ATP8B1: variants seen among roughly 807,000 people sequenced by gnomAD.
ATP8B1 encodes the protein ATPase phospholipid transporting 8B1.
In ATP8B1, 80 loss-of-function variants were observed where a neutral mutation model predicts 149.9. The observed-to-expected ratio is 0.53, with a 90% CI of 0.45 to 0.64. ATP8B1 has a LOEUF of 0.64. ATP8B1 is among the 30% of genes least tolerant of loss of function. The pLI is 0.00. For missense variants in ATP8B1, 1,247 were observed against 1,552.6 expected, an observed-to-expected ratio of 0.80 and a Z score of 3.31; for synonymous variants, 536 against 562.8, an observed-to-expected ratio of 0.95 and a Z score of 0.67.
rs1240425402 is a variant in ATP8B1, at chr18:57,765,841, A to G, written c.-25-34009T>C. Among the ~76,000 whole-genome samples the G allele has an allele frequency of 2.6e-5, 4 of 151,504 alleles. No individual in the cohort carries two copies. In the East Asian group the frequency reaches 8.1e-4, roughly 30 times the overall value. On this transcript the variant is annotated intron_variant, in intron 1 of 27. Coordinates refer to ENST00000648908, the MANE Select transcript of ATP8B1 (RefSeq NM_001374385.1). The stretch of plus-strand genomic sequence containing the variant: ...ACAAAAATTAGCCGGGCATGGTGGC[A>G]GGTGCCTGTAATCTCAGCTACTCAG...
At chr18:57,782,391 A>G (rs1405424340) in intron 1 of ATP8B1, among the ~76,000 whole-genome samples, 1 of 152,254 alleles carries the variant, frequency 6.6e-6, no homozygotes, top group East Asian at 1.9e-4. Flanking sequence ...TTATATCTAG[A>G]CATTTCCATA....
At chr18:57,787,360 AAGCTCCATCTAGAGCACTGCGAGAGG>A (rs2080419210) in intron 1 of ATP8B1, among the ~76,000 whole-genome samples, 5 of 152,328 alleles carry the variant, frequency 3.3e-5, no homozygotes, top group South Asian at 2.1e-4. Context: ...GTGAGCCTAA[AAGCTCCATCTAGAGCACTGCGAGAGG>A]AGCTCCATCT....
chr18:57,756,234 C>T lies in ATP8B1; in HGVS notation c.-25-24402G>A, dbSNP rs866642571. Among the ~76,000 whole-genome samples the T allele has an allele frequency of 6.0e-4, 58 of 97,464 alleles. 1 individual carries two copies. The highest frequency in any genetic ancestry group is 2.8e-3 in the South Asian group (8 of 2,904). 63.9% of individuals were successfully genotyped at this position (97,464 alleles called of 152,430 possible). A position where few individuals can be genotyped will look rare whatever the true frequency, so the allele number is the denominator to read the frequency against. On this transcript the variant is annotated intron_variant, in intron 1 of 27. Transcript: ENST00000648908. ...ATACACACACACACACACACACACA[C>T]ACATATATACACACACACATATATA...
At chr18:57,800,463 T>G (rs2080563438) in intron 1 of ATP8B1, among the ~76,000 whole-genome samples, 1 of 152,152 alleles carries the variant, frequency 6.6e-6, no homozygotes, top group Admixed American at 6.6e-5. Context: ...CTAGGAAAAA[T>G]CTCTCTGGAG....
intron 20 of ATP8B1, among the ~76,000 whole-genome samples, chr18:57,663,464 G>A (rs986721537): frequency 8.5e-5 from 13 of 152,140 alleles, no homozygotes; most frequent in Non-Finnish European, 1.8e-4. Context: ...TGGGATTGTT[G>A]CATCATATGG....
chr18:57,792,045 G>A (rs889369669), intron 1 of ATP8B1, among the ~76,000 whole-genome samples: 1 of 152,182 alleles, frequency 6.6e-6, no homozygotes, highest in Non-Finnish European at 1.5e-5. Context: ...AAGGCCCCTT[G>A]TCTTTAGAGT....
chr18:57,687,734 G>T (rs1454696436), intron 13 of ATP8B1, among the ~76,000 whole-genome samples: 1 of 149,068 alleles, frequency 6.7e-6, no homozygotes, highest in Non-Finnish European at 1.5e-5. Flanking sequence ...TATATAACCT[G>T]AAGTGGAATT....
chr18:57,647,359 G>A lies in ATP8B1; in HGVS notation c.*1129C>T, dbSNP rs1360314839. On this transcript the variant is annotated 3_prime_UTR_variant, in exon 28 of 28. Transcript: ENST00000648908. ...ACTAAAAATAAACTGAAACTTTATG[G>A]AATCTGAAGTTATTTTCCTTGATTA... 1.3e-5 allele frequency: 2 copies of A among 152,110 alleles called. No homozygotes were observed. Among genetic ancestry groups the A allele is most frequent in the African/African-American group, 4.8e-5 (2 of 41,432 alleles). The allele number at this position is 152,110 out of a possible 1,614,324, so 9.4% of individuals were successfully genotyped here.
At chr18:57,673,768 T>A (rs938100596) in intron 16 of ATP8B1, among the ~76,000 whole-genome samples, 1 of 152,104 alleles carries the variant, frequency 6.6e-6, no homozygotes, top group African/African-American at 2.4e-5. Flanking sequence ...TTTAAACCAT[T>A]CTTGTAACTT....
In ATP8B1 at chr18:57,794,789, T is replaced by C. The variant is rs1008395458; in HGVS notation, c.-26+8209A>G. 8.1e-5 allele frequency among the ~76,000 whole-genome samples: 9 copies of C among 110,908 alleles called. No homozygotes were observed. The South Asian group carries it at 2.7e-3, about 33-fold the overall frequency. The allele number at this position is 110,908 out of a possible 152,430, so 72.8% of individuals were successfully genotyped here. A position where few individuals can be genotyped will look rare whatever the true frequency, so the allele number is the denominator to read the frequency against. On this transcript the variant is annotated intron_variant, in intron 1 of 27. Coordinates refer to ENST00000648908, the MANE Select transcript of ATP8B1 (RefSeq NM_001374385.1). ...CTGGGCGACAGAGCGAAACTCCGCC[T>C]CAAAAAGAAAGAAAGAAAGAAAGAA... is the stretch of plus-strand genomic sequence containing the variant.
At chr18:57,756,362 A>G (rs2080084184) in intron 1 of ATP8B1, among the ~76,000 whole-genome samples, 1 of 146,970 alleles carries the variant, frequency 6.8e-6, no homozygotes, top group African/African-American at 2.6e-5. Context: ...GTGCAGTGGC[A>G]TGGTCTTGGC....
At chr18:57,700,909 T>C in intron 6 of ATP8B1, 130 bp downstream of exon 6, 1 of 1,030,690 alleles carries the variant, frequency 9.7e-7, no homozygotes, top group Non-Finnish European at 1.5e-6. Flanking sequence ...AGAGCGAGAC[T>C]CTATCTCGAA....
At chr18:57,758,804 C>T (rs2080113094) in intron 1 of ATP8B1, among the ~76,000 whole-genome samples, 1 of 152,064 alleles carries the variant, frequency 6.6e-6, no homozygotes, top group African/African-American at 2.4e-5. Flanking sequence ...CAACTGTTTG[C>T]AAGTAGAGAA....
chr18:57,778,042 C>T (rs1257137728), intron 1 of ATP8B1, among the ~76,000 whole-genome samples: 2 of 152,170 alleles, frequency 1.3e-5, no homozygotes, highest in Non-Finnish European at 2.9e-5. Context: ...CACATCTTGA[C>T]TTTCCAGTGA....
At chr18:57,776,878 A>C (rs1336780987) in intron 1 of ATP8B1, among the ~76,000 whole-genome samples, 1 of 152,080 alleles carries the variant, frequency 6.6e-6, no homozygotes, top group Non-Finnish European at 1.5e-5. Flanking sequence ...CTTCAAAAGC[A>C]GTTCATCTGG....
chr18:57,774,023 T>A (rs927869239), intron 1 of ATP8B1, among the ~76,000 whole-genome samples: 2 of 152,162 alleles, frequency 1.3e-5, no homozygotes, highest in African/African-American at 4.8e-5. Flanking sequence ...TTCTCACTTC[T>A]CTCAGAGTAA....
chr18:57,675,373 T>C (rs1911530824), intron 15 of ATP8B1, among the ~76,000 whole-genome samples: 1 of 152,240 alleles, frequency 6.6e-6, no homozygotes, highest in African/African-American at 2.4e-5. Flanking sequence ...AAGCTGAATA[T>C]ACATTTACAT....
At chr18:57,724,034 A>C (rs144306037) in intron 2 of ATP8B1, among the ~76,000 whole-genome samples, 19,489 of 151,692 alleles carry the variant, frequency 0.13, 1,469 homozygotes, top group South Asian at 0.28. Flanking sequence ...TGCTGGGAAA[A>C]CTGGCTAGCC....
intron 19 of ATP8B1, 185 bp from the exon 20 acceptor site, chr18:57,667,352 C>T: frequency 1.7e-6 from 1 of 582,244 alleles, no homozygotes; most frequent in Admixed American, 2.9e-5. Context: ...CCCGCAGCCC[C>T]CAAGTAGCTG....
Sources: allele counts gnomAD v4.1 joint callset (sites outside exome capture counted in the v4.1 genomes callset), GRCh38; gene constraint gnomAD v4.1.1; transcripts MANE v1.5; gene names NCBI Gene and HGNC (gene_info 2026-07-23, HGNC 2026-07-21).